Variants in ORC5 observed in about 807,000 individuals in gnomAD.
ORC5 encodes the protein origin recognition complex subunit 5, also known as protein phosphatase 1, regulatory subunit 117.
In ORC5, 39 loss-of-function variants were observed where a neutral mutation model predicts 58.8. The observed-to-expected ratio is 0.66, with a 90% CI of 0.51 to 0.87. ORC5 has a LOEUF of 0.87. Ranked by LOEUF, ORC5 falls within the 40% of genes least tolerant of loss-of-function variation. ORC5 has a pLI of 0.00. For missense variants in ORC5, 493 were observed against 506.3 expected, an observed-to-expected ratio of 0.97 and a Z score of 0.25; for synonymous variants, 218 against 177.6, an observed-to-expected ratio of 1.23 and a Z score of -1.81.
Position 104,195,173 on chromosome 7 carries a change from A to G in ORC5, c.523T>C (p.Phe175Leu), listed in dbSNP as rs1799770429. Residue 175 changes from phenylalanine to leucine, a missense_variant, in exon 5 of 14, where the codon TTT (phenylalanine) becomes CTT (leucine). This residue lies in a region of ORC5 where 412 missense variants were observed against 403.7 expected (regional missense o/e 1.02). Transcript: ENST00000297431. ...CTGTAATCAGGGAAATATAAGACAA[A>G]CGGCTCAAAGCATCCAGTATTTGGA... ...FRPNTGCFEP[F>L]VLYFPDYSIG... is the part of the protein sequence containing the mutation. 6.3e-6 allele frequency: 10 copies of G among 1,575,284 alleles called. No homozygotes were observed. In the East Asian group the frequency reaches 2.4e-4, roughly 37 times the overall value.
rs565223456 is a variant in ORC5 at position 104,183,343 on chromosome 7, C to T, written c.824+600G>A. On this transcript the variant is annotated intron_variant, in intron 8 of 13. Transcript: ENST00000297431. ...CCATTCACTCCCTTCGACATGTGAA[C>T]AGACAACAACCCAGGACAGCTCCGT... Among the ~76,000 whole-genome samples the T allele has an allele frequency of 7.6e-4, 115 of 152,244 alleles. No homozygotes were observed. The Middle Eastern group carries it at 0.014, about 18-fold the overall frequency.
At chr7:104,151,766 C>T (rs1199775638) in intron 12 of ORC5, among the ~76,000 whole-genome samples, 6 of 152,118 alleles carry the variant, frequency 3.9e-5, no homozygotes, top group Non-Finnish European at 8.8e-5. Flanking sequence ...TCAAAAGCCA[C>T]CAACATACAC....
rs78919295 is a variant in ORC5, at chr7:104,152,991, A to G, written c.1149+8081T>C. On this transcript the variant is annotated intron_variant, in intron 12 of 13. Coordinates refer to ENST00000297431, the MANE Select transcript of ORC5 (RefSeq NM_002553.4). ...TTCACAAAGGCAAAGTGATTACACT[A>G]AGAAATTTAATGGCAGATTTAGAGA... 7.5e-3 allele frequency among the ~76,000 whole-genome samples: 1,138 copies of G among 152,300 alleles called. 13 individuals are homozygous for G. The highest frequency in any genetic ancestry group is 0.026 in the African/African-American group (1,079 of 41,568).
At chr7:104,183,028 G>A (rs1456508257) in intron 8 of ORC5, among the ~76,000 whole-genome samples, 2 of 152,084 alleles carry the variant, frequency 1.3e-5, no homozygotes, top group African/African-American at 4.8e-5. Context: ...CCAGCTACTC[G>A]AGGGGCTGAG....
chr7:104,160,536 A>G (rs1386284170), intron 12 of ORC5, among the ~76,000 whole-genome samples: 3 of 152,168 alleles, frequency 2.0e-5, no homozygotes, highest in Admixed American at 6.5e-5. Flanking sequence ...TGTCAACTAA[A>G]AAACAAACCT....
At chr7:104,143,942 A>C (rs1798714344) in intron 12 of ORC5, among the ~76,000 whole-genome samples, 1 of 152,038 alleles carries the variant, frequency 6.6e-6, no homozygotes, top group Non-Finnish European at 1.5e-5. Context: ...AACATGGTGA[A>C]ACCCCGTCTC....
intron 8 of ORC5, among the ~76,000 whole-genome samples, chr7:104,174,551 G>A (rs1799282170): frequency 2.0e-5 from 3 of 152,204 alleles, no homozygotes; most frequent in Non-Finnish European, 4.4e-5. Flanking sequence ...GAGCAGGACA[G>A]GAGAAGGCTC....
chr7:104,207,213 G>T (rs891616011), intron 1 of ORC5, among the ~76,000 whole-genome samples: 1 of 149,420 alleles, frequency 6.7e-6, no homozygotes, highest in Non-Finnish European at 1.5e-5. Flanking sequence ...TTTTGAATTG[G>T]TGAACGCTAC....
chr7:104,199,375 T>C (rs1799878625), intron 3 of ORC5, among the ~76,000 whole-genome samples: 1 of 152,170 alleles, frequency 6.6e-6, no homozygotes, highest in African/African-American at 2.4e-5. Flanking sequence ...GAGCCCACTC[T>C]TGCATCAGTG....
chr7:104,153,544 G>T (rs748796517), intron 12 of ORC5, among the ~76,000 whole-genome samples: 5 of 152,148 alleles, frequency 3.3e-5, no homozygotes, highest in African/African-American at 1.2e-4. Flanking sequence ...TAGCATTCAA[G>T]CTATTTTCTA....
At chr7:104,168,975 G>C (rs1799158818) in intron 8 of ORC5, among the ~76,000 whole-genome samples, 3 of 152,140 alleles carry the variant, frequency 2.0e-5, no homozygotes, top group Admixed American at 6.5e-5. Context: ...CCAGCTACTT[G>C]GGTGGCTGAG....
chr7:104,181,088 T>C (rs1434682613), intron 8 of ORC5, among the ~76,000 whole-genome samples: 1 of 152,208 alleles, frequency 6.6e-6, no homozygotes, highest in Non-Finnish European at 1.5e-5. Context: ...GATGGGCTCA[T>C]GAAACTGCTA....
chr7:104,173,599 T>A lies in ORC5; in HGVS notation c.825-5074A>T, dbSNP rs373257134. On this transcript the variant is annotated intron_variant, in intron 8 of 13. Coordinates refer to ENST00000297431, the MANE Select transcript of ORC5 (RefSeq NM_002553.4). ...CTGCTTTTTGATGGAAGCTCCTGAA[T>A]TCATTCAGGATCTCATTAAGGGCAC... Among the ~76,000 whole-genome samples, 68 of 152,328 alleles carry A rather than the reference T, an allele frequency of 4.5e-4. 3 individuals are homozygous for A. In the East Asian group the frequency reaches 0.012, roughly 26 times the overall value.
At chr7:104,137,106 T>TG (rs1437417315) in intron 12 of ORC5, among the ~76,000 whole-genome samples, 3 of 149,460 alleles carry the variant, frequency 2.0e-5, no homozygotes, top group Non-Finnish European at 2.9e-5. Context: ...AGTTTTGTTT[T>TG]TTTTTTTTTT....
intron 12 of ORC5, among the ~76,000 whole-genome samples, chr7:104,156,628 TAGTC>T (rs1244284540): frequency 6.6e-6 from 1 of 151,832 alleles, no homozygotes; most frequent in Non-Finnish European, 1.5e-5. Flanking sequence ...AACAATTATT[TAGTC>T]AGTAAATCCA....
At chr7:104,157,330 G>A (rs963040882) in intron 12 of ORC5, among the ~76,000 whole-genome samples, 1 of 151,910 alleles carries the variant, frequency 6.6e-6, no homozygotes, top group Non-Finnish European at 1.5e-5. Context: ...CCGACCCTTT[G>A]TATACCCAAT....
chr7:104,152,461 T>C (rs985131019), intron 12 of ORC5, among the ~76,000 whole-genome samples: 1 of 152,226 alleles, frequency 6.6e-6, no homozygotes, highest in Non-Finnish European at 1.5e-5. Context: ...TTTTTAAATG[T>C]ACCACACATT....
At chr7:104,149,029 G>A (rs1465662427) in intron 12 of ORC5, among the ~76,000 whole-genome samples, 4 of 81,776 alleles carry the variant, frequency 4.9e-5, no homozygotes, top group Admixed American at 1.4e-4. Context: ...GTAAGACTCC[G>A]TCTCAAAAAA....
intron 8 of ORC5, among the ~76,000 whole-genome samples, chr7:104,172,824 T>C (rs906865877): frequency 1.3e-5 from 2 of 152,192 alleles, no homozygotes; most frequent in African/African-American, 4.8e-5. Context: ...ACCATGTCTC[T>C]CCTGAGCTGT....
Sources: allele counts gnomAD v4.1 joint callset (sites outside exome capture counted in the v4.1 genomes callset), GRCh38; gene constraint gnomAD v4.1.1; regional missense constraint gnomAD v4.1.1; transcripts MANE v1.5; gene names NCBI Gene and HGNC (gene_info 2026-07-23, HGNC 2026-07-21).